The following ARHGAP24 variants were observed in gnomAD, a reference collection of about 807,000 sequenced individuals.
ARHGAP24 encodes the protein rho GTPase-activating protein 24.
ARHGAP24 carries 50 observed loss-of-function variants against 76.4 expected under a neutral mutation model. That is an observed-to-expected ratio of 0.65 (90% CI 0.52 to 0.83). The LOEUF (loss-of-function observed/expected upper bound fraction) is 0.83. Among genes scored for constraint, ARHGAP24 ranks in the 40% least tolerant of loss-of-function variants. The pLI is 0.00. For synonymous variants in ARHGAP24, 345 were observed against 323.3 expected (o/e 1.07, Z -0.72); for missense variants, 930 against 914.2 (o/e 1.02, Z -0.22).
chr4:85,730,826 A>G (rs1725372127), intron 3 of ARHGAP24, among the ~76,000 whole-genome samples: 1 of 152,014 alleles, frequency 6.6e-6, no homozygotes, highest in African/African-American at 2.4e-5. Context: ...CTTACCACCC[A>G]TTTATTAACA....
At chr4:85,704,727 A>G (rs777683453) in intron 2 of ARHGAP24, among the ~76,000 whole-genome samples, 3 of 152,288 alleles carry the variant, frequency 2.0e-5, no homozygotes, top group Admixed American at 6.5e-5. Context: ...AACTCCGAGG[A>G]CAGGTTCTAC....
chr4:85,972,344 C>A, intron 6 of ARHGAP24, 176 bp downstream of exon 6: 1 of 755,628 alleles, frequency 1.3e-6, no homozygotes, highest in Non-Finnish European at 2.1e-6. Flanking sequence ...ATTTCCGATC[C>A]CCTCTCTGAT....
At chr4:85,780,725 T>G (rs1727514506) in intron 3 of ARHGAP24, among the ~76,000 whole-genome samples, 1 of 152,220 alleles carries the variant, frequency 6.6e-6, no homozygotes. Flanking sequence ...GATTCTCTTA[T>G]GAGAAACGTG....
At chr4:85,890,253 C>T (rs1454466792) in intron 3 of ARHGAP24, among the ~76,000 whole-genome samples, 1 of 152,174 alleles carries the variant, frequency 6.6e-6, no homozygotes, top group Non-Finnish European at 1.5e-5. Flanking sequence ...TCCCTGTAGA[C>T]TTCCCAGCCC....
intron 2 of ARHGAP24, among the ~76,000 whole-genome samples, chr4:85,687,915 G>A (rs1723488399): frequency 1.3e-5 from 2 of 151,894 alleles, no homozygotes; most frequent in South Asian, 2.1e-4. Flanking sequence ...AGGTTCAAGC[G>A]ATTCTCCTGC....
chr4:85,911,398 A>G (rs1038036634), intron 3 of ARHGAP24, among the ~76,000 whole-genome samples: 2 of 152,252 alleles, frequency 1.3e-5, no homozygotes, highest in Non-Finnish European at 2.9e-5. Flanking sequence ...AAAAAAAGAA[A>G]AAAAAAATTA....
intron 1 of ARHGAP24, among the ~76,000 whole-genome samples, chr4:85,506,709 G>A (rs1724063866): frequency 6.6e-6 from 1 of 152,178 alleles, no homozygotes; most frequent in Admixed American, 6.5e-5. Context: ...CCTGGGTGAG[G>A]CAATGCCCCG....
At chr4:85,484,807 G>A (rs1036426654) in intron 1 of ARHGAP24, among the ~76,000 whole-genome samples, 10 of 151,898 alleles carry the variant, frequency 6.6e-5, no homozygotes, top group African/African-American at 1.9e-4. Flanking sequence ...AGTAGAGATG[G>A]GGTTTCACCA....
intron 1 of ARHGAP24, among the ~76,000 whole-genome samples, chr4:85,483,169 A>G (rs768079157): frequency 3.9e-5 from 6 of 152,220 alleles, no homozygotes; most frequent in South Asian, 2.1e-4. Context: ...AGTTATTATT[A>G]AATTCAGTGA....
At chr4:85,733,636 C>G (rs4507354) in intron 3 of ARHGAP24, among the ~76,000 whole-genome samples, 60,743 of 151,854 alleles carry the variant, frequency 0.4, 13,537 homozygotes, top group East Asian at 0.91. Flanking sequence ...ATTCTGGAGG[C>G]TAGAAGTTCA....
intron 1 of ARHGAP24, among the ~76,000 whole-genome samples, chr4:85,478,312 T>C (rs1722681177): frequency 6.6e-6 from 1 of 152,248 alleles, no homozygotes; most frequent in South Asian, 2.1e-4. Flanking sequence ...AAGTTAATGT[T>C]CTTCATGTGA....
chr4:85,499,453 C>T (rs897005127), intron 1 of ARHGAP24, among the ~76,000 whole-genome samples: 4 of 152,164 alleles, frequency 2.6e-5, no homozygotes, highest in Non-Finnish European at 4.4e-5. Flanking sequence ...AACTAGAAAG[C>T]CTTTATCACC....
intron 3 of ARHGAP24, among the ~76,000 whole-genome samples, chr4:85,853,555 C>T (rs1214754971): frequency 2.6e-5 from 4 of 152,160 alleles, no homozygotes; most frequent in African/African-American, 4.8e-5. Flanking sequence ...CCATCTTCTG[C>T]GTCTGTCACG....
chr4:85,481,560 C>T (rs1722817711), intron 1 of ARHGAP24, among the ~76,000 whole-genome samples: 1 of 152,194 alleles, frequency 6.6e-6, no homozygotes, highest in African/African-American at 2.4e-5. Context: ...GAGGCTCCAT[C>T]TACCATAGGC....
intron 5 of ARHGAP24, among the ~76,000 whole-genome samples, chr4:85,969,391 C>A (rs1219189596): frequency 6.6e-6 from 1 of 151,896 alleles, no homozygotes; most frequent in African/African-American, 2.4e-5. Context: ...TGTATTTATT[C>A]ATAAATATTT....
chr4:85,787,887 C>A (rs1727925989), intron 3 of ARHGAP24, among the ~76,000 whole-genome samples: 1 of 152,160 alleles, frequency 6.6e-6, no homozygotes, highest in Non-Finnish European at 1.5e-5. Flanking sequence ...GATCACTTCC[C>A]ATGTAAAGTG....
chr4:85,704,858 T>A (rs1298886547), intron 2 of ARHGAP24, among the ~76,000 whole-genome samples: 2 of 152,068 alleles, frequency 1.3e-5, no homozygotes, highest in Non-Finnish European at 2.9e-5. Flanking sequence ...CCAGATAGAA[T>A]TTTTTTAATG....
intron 2 of ARHGAP24, among the ~76,000 whole-genome samples, chr4:85,594,754 A>G (rs1012676340): frequency 3.3e-5 from 5 of 152,116 alleles, no homozygotes; most frequent in Non-Finnish European, 5.9e-5. Flanking sequence ...AAAATCACCT[A>G]CATTATTTTG....
chr4:85,894,700 C>A (rs879513438), intron 3 of ARHGAP24, among the ~76,000 whole-genome samples: 1 of 152,002 alleles, frequency 6.6e-6, no homozygotes, highest in Admixed American at 6.6e-5. Context: ...TGGCTCATGC[C>A]TGCAATCCCA....
Sources: gnomAD v4.1 joint callset for allele counts (sites outside exome capture counted in the v4.1 genomes callset) on GRCh38, gnomAD v4.1.1 for gene constraint, MANE v1.5 for transcripts, NCBI Gene and HGNC (gene_info 2026-07-23, HGNC 2026-07-21) for gene names.